Variants in SLC4A4 observed in about 807,000 individuals in gnomAD.
The protein encoded by SLC4A4 is electrogenic sodium bicarbonate cotransporter 1.
Under a neutral mutation model 111.5 loss-of-function variants are expected in SLC4A4, and 27 were observed. The observed-to-expected ratio is 0.24, with a 90% CI of 0.18 to 0.33. The LOEUF is 0.33. Among genes scored for constraint, SLC4A4 ranks in the 10% least tolerant of loss-of-function variants. The pLI is 1.00. For missense variants in SLC4A4, 909 were observed against 1,315.5 expected (o/e 0.69, Z 4.78); for synonymous variants, 443 against 463.4 (o/e 0.96, Z 0.57).
At position 71,357,019 on chromosome 4, in the gene SLC4A4, G is replaced by A; in HGVS notation, c.562G>A (p.Asp188Asn). 6.2e-7 allele frequency: 1 copy of A among 1,613,858 alleles called. No homozygotes were observed. The highest frequency in any genetic ancestry group is 8.5e-7 in the Non-Finnish European group (1 of 1,179,852). The change falls in exon 6 of 26, where the codon GAC (aspartate) becomes AAC (asparagine). Residue 188 changes from aspartate (D) to asparagine (N), a missense_variant. Physicochemically the swap from Asp to Asn is conservative, Grantham distance 23 (BLOSUM62 1). Around this residue, in one of 7 missense-constraint regions of SLC4A4, gnomAD observed 312 missense variants for 402.0 expected, o/e 0.78. Transcript: ENST00000264485. ...SLPQLVEMIV[D>N]HQIETGLLKP... is the part of the protein sequence containing the mutation. ...TGTTTTTGTACCAGAGATGATTGTT[G>A]ACCATCAGATTGAGACAGGCCTATT...
chr4:71,534,447 C>A, intron 18 of SLC4A4, 59 bp downstream of exon 18: 1 of 1,533,410 alleles, frequency 6.5e-7, no homozygotes, highest in Non-Finnish European at 9.0e-7. Context: ...TACTTGAAAA[C>A]ACTAATTGAT....
At chr4:71,408,927 C>A (rs1405535381) in intron 7 of SLC4A4, among the ~76,000 whole-genome samples, 1 of 152,118 alleles carries the variant, frequency 6.6e-6, no homozygotes, top group East Asian at 1.9e-4. Flanking sequence ...TCATGGGGGC[C>A]AGTTTTTCCT....
At chr4:71,263,200 T>C (rs1721995476) in intron 3 of SLC4A4, among the ~76,000 whole-genome samples, 1 of 152,158 alleles carries the variant, frequency 6.6e-6, no homozygotes, top group Non-Finnish European at 1.5e-5. Context: ...CTACTTTCAA[T>C]ATTTTATGTA....
intron 1 of SLC4A4, among the ~76,000 whole-genome samples, chr4:71,194,590 A>C (rs1229541323): frequency 7.2e-5 from 11 of 152,194 alleles, no homozygotes; most frequent in Non-Finnish European, 5.9e-5. Context: ...ATTTCTATAT[A>C]GTTCATATTG....
At chr4:71,111,873 T>G (rs1743098821) in intron 2 of SLC4A4, among the ~76,000 whole-genome samples, 1 of 151,416 alleles carries the variant, frequency 6.6e-6, no homozygotes, top group African/African-American at 2.4e-5. Flanking sequence ...ATTTTTGTAT[T>G]TTTAGTAGAA....
At chr4:71,446,672 T>C (rs1725256651) in intron 8 of SLC4A4, among the ~76,000 whole-genome samples, 1 of 152,208 alleles carries the variant, frequency 6.6e-6, no homozygotes, top group African/African-American at 2.4e-5. Flanking sequence ...AAGTGATGAA[T>C]GTGAAGTGCT....
intron 16 of SLC4A4, among the ~76,000 whole-genome samples, chr4:71,530,394 A>G (rs1013097348): frequency 3.3e-5 from 5 of 152,148 alleles, no homozygotes; most frequent in Admixed American, 1.3e-4. Context: ...AGATGAAGTA[A>G]TTGAAGCTAA....
intron 2 of SLC4A4, among the ~76,000 whole-genome samples, chr4:71,242,754 T>C (rs1194231491): frequency 6.6e-6 from 1 of 151,764 alleles, no homozygotes; most frequent in Non-Finnish European, 1.5e-5. Context: ...ATAATTTTCT[T>C]ATAATTTTAT....
chr4:71,563,920 T>A, intron 24 of SLC4A4, 31 bp downstream of exon 24: 1 of 1,338,162 alleles, frequency 7.5e-7, no homozygotes, highest in Non-Finnish European at 1.1e-6. Flanking sequence ...GCATGCTTGC[T>A]TGAATATGAT....
chr4:71,117,538 T>C (rs984505844), intron 2 of SLC4A4, among the ~76,000 whole-genome samples: 2 of 152,062 alleles, frequency 1.3e-5, no homozygotes, highest in African/African-American at 2.4e-5. Context: ...TAGTGAAACA[T>C]GTGGCTGATT....
intron 13 of SLC4A4, among the ~76,000 whole-genome samples, chr4:71,467,334 C>T (rs1197085448): frequency 6.6e-6 from 1 of 152,106 alleles, no homozygotes. Flanking sequence ...GCTCCTCACC[C>T]CAGTTTCATG....
At chr4:71,084,843 T>C (rs1742110850) in intron 1 of SLC4A4, among the ~76,000 whole-genome samples, 1 of 152,034 alleles carries the variant, frequency 6.6e-6, no homozygotes, top group African/African-American at 2.4e-5. Context: ...TTTGCTATTG[T>C]GAATAGTGCC....
At chr4:71,247,762 C>T (rs1720785109) in intron 2 of SLC4A4, among the ~76,000 whole-genome samples, 1 of 152,118 alleles carries the variant, frequency 6.6e-6, no homozygotes, top group Non-Finnish European at 1.5e-5. Context: ...CTGCATATTA[C>T]AATGCAGTAG....
At chr4:71,080,064 A>G (rs910177296) in intron 1 of SLC4A4, among the ~76,000 whole-genome samples, 9 of 152,016 alleles carry the variant, frequency 5.9e-5, no homozygotes, top group Non-Finnish European at 5.9e-5. Context: ...TCTCCAGTGG[A>G]AGAAGTCTGG....
intron 1 of SLC4A4, among the ~76,000 whole-genome samples, chr4:71,226,106 T>C (rs750157428): frequency 2.0e-5 from 3 of 152,212 alleles, no homozygotes; most frequent in Non-Finnish European, 4.4e-5. Context: ...AATTGAACTT[T>C]CTTATAACTT....
At chr4:71,422,532 CA>C (rs1174576747) in intron 7 of SLC4A4, among the ~76,000 whole-genome samples, 4 of 151,898 alleles carry the variant, frequency 2.6e-5, no homozygotes, top group African/African-American at 9.6e-5. Context: ...GAGACACAAC[CA>C]AAAAAGAGAA....
At chr4:71,487,906 A>T (rs911813745) in intron 15 of SLC4A4, among the ~76,000 whole-genome samples, 1 of 151,244 alleles carries the variant, frequency 6.6e-6, no homozygotes, top group Non-Finnish European at 1.5e-5. Context: ...GTCTTCTCTG[A>T]CTTTTCTCAA....
chr4:71,208,836 A>G (rs1404324972), intron 1 of SLC4A4, among the ~76,000 whole-genome samples: 1 of 152,182 alleles, frequency 6.6e-6, no homozygotes, highest in African/African-American at 2.4e-5. Flanking sequence ...AGGACATTAG[A>G]TGATATTCAC....
chr4:71,383,899 C>A (rs976296421), intron 6 of SLC4A4, among the ~76,000 whole-genome samples: 1 of 152,170 alleles, frequency 6.6e-6, no homozygotes, highest in Non-Finnish European at 1.5e-5. Context: ...CTACTGCCCC[C>A]GCTCTGTCGC....
Sources: allele counts gnomAD v4.1 joint callset (sites outside exome capture counted in the v4.1 genomes callset), GRCh38; gene constraint gnomAD v4.1.1; regional missense constraint gnomAD v4.1.1; transcripts MANE v1.5; gene names NCBI Gene and HGNC (gene_info 2026-07-23, HGNC 2026-07-21).